LAP3: variants seen among roughly 807,000 people sequenced by gnomAD.
The protein encoded by LAP3 is leucine aminopeptidase 3.
Under a neutral mutation model 58.8 loss-of-function variants are expected in LAP3, and 46 were observed. The ratio of observed to expected loss-of-function variants is 0.78; its 90% CI spans 0.62 to 1.00. The LOEUF (loss-of-function observed/expected upper bound fraction) is 1.00. Among genes scored for constraint, LAP3 ranks in the 50% least tolerant of loss-of-function variants. The probability of loss-of-function intolerance (pLI) is 0.00; values close to 1 mark genes in which losing one functional copy is unlikely to be tolerated. For missense variants in LAP3, 615 were observed against 659.1 expected (o/e 0.93, Z 0.73); for synonymous variants, 257 against 237.7 (o/e 1.08, Z -0.75).
chr4:17,583,860 C>G (rs73800292), intron 5 of LAP3, among the ~76,000 whole-genome samples: 1 of 152,146 alleles, frequency 6.6e-6, no homozygotes. Flanking sequence ...ACTCCCTGAC[C>G]CCTCCCTGCT....
intron 7 of LAP3, among the ~76,000 whole-genome samples, chr4:17,590,189 T>C (rs1713647346): frequency 6.6e-6 from 1 of 152,196 alleles, no homozygotes; most frequent in South Asian, 2.1e-4. Context: ...AATATAGCAT[T>C]TTCTGTATTT....
intron 2 of LAP3, among the ~76,000 whole-genome samples, chr4:17,580,684 C>T (rs1052762195): frequency 6.6e-6 from 1 of 152,092 alleles, no homozygotes; most frequent in Non-Finnish European, 1.5e-5. Context: ...GGGTTTTGCT[C>T]TTTTATTGCC....
At chr4:17,592,342 G>C (rs61047804) in intron 7 of LAP3, among the ~76,000 whole-genome samples, 9 of 146,672 alleles carry the variant, frequency 6.1e-5, no homozygotes, top group Non-Finnish European at 2.9e-5. Flanking sequence ...TTTGATGTCT[G>C]GCTTCTTTCA....
intron 2 of LAP3, 64 bp from the exon 3 acceptor site, chr4:17,581,696 T>G: frequency 8.1e-7 from 1 of 1,235,844 alleles, no homozygotes; most frequent in Admixed American, 1.7e-5. Flanking sequence ...AGTATGTAAG[T>G]GTGCCTTCCC....
At chr4:17,586,696 C>T (rs996801078) in intron 6 of LAP3, among the ~76,000 whole-genome samples, 2 of 152,216 alleles carry the variant, frequency 1.3e-5, no homozygotes, top group Admixed American at 6.5e-5. Context: ...CGATTGTGCA[C>T]ACCTCTATTT....
In LAP3 at chr4:17,597,177, C is replaced by G. The variant is rs778669124; in HGVS notation, c.1077+43C>G. 2.5e-5 allele frequency: 38 copies of G among 1,535,214 alleles called. 1 individual carries two copies. The South Asian group carries it at 4.3e-4, about 17-fold the overall frequency. On this transcript the variant is annotated intron_variant, in intron 9 of 12. Coordinates refer to ENST00000226299, the MANE Select transcript of LAP3 (RefSeq NM_015907.3). ...ACAGCACTCCCCATCCAGCGTTCCT[C>G]AGGAATCCCGTGGTGGCCACATAAC...
chr4:17,582,020 T>C, intron 3 of LAP3: 2 of 596,802 alleles, frequency 3.4e-6, no homozygotes, highest in East Asian at 2.8e-5. Flanking sequence ...GCTTTCTTTA[T>C]CCGGTTGTGG....
intron 7 of LAP3, among the ~76,000 whole-genome samples, chr4:17,590,688 C>T (rs559533040): frequency 4.0e-5 from 6 of 151,892 alleles, no homozygotes; most frequent in African/African-American, 1.2e-4. Context: ...TCTCCTGCCT[C>T]AGCCTCCCGA....
intron 7 of LAP3, among the ~76,000 whole-genome samples, chr4:17,589,783 C>T (rs905398994): frequency 5.9e-5 from 9 of 152,182 alleles, no homozygotes; most frequent in African/African-American, 2.2e-4. Context: ...ATTTTTCTGC[C>T]ATGCACTTTG....
At chr4:17,596,340 G>T (rs190253040) in intron 8 of LAP3, among the ~76,000 whole-genome samples, 3 of 151,964 alleles carry the variant, frequency 2.0e-5, no homozygotes, top group African/African-American at 7.2e-5. Flanking sequence ...GGTTTTTTTG[G>T]TTTTTTGGTT....
Position 17,577,299 on chromosome 4 carries a change from C to G in LAP3, c.-167C>G. 6 of 470,402 alleles carry G rather than the reference C, an allele frequency of 1.3e-5. No homozygotes were observed. Among genetic ancestry groups the G allele is most frequent in the Non-Finnish European group, 2.2e-5 (6 of 269,976 alleles). 29.1% of individuals were successfully genotyped at this position (470,402 alleles called of 1,614,324 possible). A position where few individuals can be genotyped will look rare whatever the true frequency, so the allele number is the denominator to read the frequency against. Reference sequence around the variant, plus strand: ...GTTTGATCCCAGCGGTCCAGTCGGCCGGTGCTGCCCATCCGTCCCGCCCCC... The same window carrying G: ...GTTTGATCCCAGCGGTCCAGTCGGCGGGTGCTGCCCATCCGTCCCGCCCCC... On this transcript the variant is annotated 5_prime_UTR_variant, in exon 1 of 13. Coordinates refer to ENST00000226299, the MANE Select transcript of LAP3 (RefSeq NM_015907.3).
chr4:17,581,762 C>G lies in LAP3; in HGVS notation c.221C>G (p.Ser74Cys), dbSNP rs1165597241. Residue 74 changes from serine to cysteine, a missense_variant and splice_region_variant, in exon 3 of 13, where the codon TCT (serine) becomes TGT (cysteine). Transcript: ENST00000226299. ...AGKLRETLNI[S>C]GPPLKAGKTR... The stretch of plus-strand genomic sequence containing the variant: ...ACGACTATTTCCTCTTGTTTTAGAT[C>G]TGGACCACCTCTGAAGGCAGGGAAG... The G allele has an allele frequency of 6.2e-7, 1 of 1,613,350 alleles. No individual in the cohort carries two copies. Among genetic ancestry groups the G allele is most frequent in the East Asian group, 2.2e-5 (1 of 44,872 alleles).
intron 1 of LAP3, among the ~76,000 whole-genome samples, chr4:17,577,990 G>A (rs985305106): frequency 6.6e-6 from 1 of 152,234 alleles, no homozygotes; most frequent in South Asian, 2.1e-4. Context: ...TGAAAGGTCA[G>A]GGAGTTAAGT....
chr4:17,602,514 A>G (rs1714006420), intron 10 of LAP3, among the ~76,000 whole-genome samples: 1 of 152,232 alleles, frequency 6.6e-6, no homozygotes, highest in Non-Finnish European at 1.5e-5. Context: ...AAAAAACTAA[A>G]GATGAAACAA....
intron 10 of LAP3, among the ~76,000 whole-genome samples, chr4:17,603,721 T>A (rs187372737): frequency 6.6e-6 from 1 of 151,438 alleles, no homozygotes; most frequent in Non-Finnish European, 1.5e-5. Context: ...TCCATGTTGG[T>A]CAGGCTCGTC....
Position 17,579,918 on chromosome 4 carries a change from A to G in LAP3, c.197A>G (p.Lys66Arg). 6.2e-7 allele frequency: 1 copy of G among 1,606,740 alleles called. No individual in the cohort carries two copies. Among genetic ancestry groups the G allele is most frequent in the Non-Finnish European group, 8.5e-7 (1 of 1,173,956 alleles). The change falls in exon 2 of 13, where the codon AAG becomes AGG. Residue 66 changes from lysine to arginine, a missense_variant. Transcript: ENST00000226299. Reference sequence around the variant, plus strand: ...AATTTTGATAAATTGTTAGCTGGAAAGCTGAGAGAGACTTTGAACATGTAA... The same window carrying G: ...AATTTTGATAAATTGTTAGCTGGAAGGCTGAGAGAGACTTTGAACATGTAA... ...GENFDKLLAG[K>R]LRETLNISGP...
chr4:17,604,085 C>T (rs755566515), intron 10 of LAP3, among the ~76,000 whole-genome samples: 6 of 151,970 alleles, frequency 3.9e-5, no homozygotes, highest in African/African-American at 1.2e-4. Context: ...GGATTACAGG[C>T]GTGAGCCAGC....
At chr4:17,592,933 G>T (rs1577222557) in intron 7 of LAP3, among the ~76,000 whole-genome samples, 1 of 152,178 alleles carries the variant, frequency 6.6e-6, no homozygotes. Flanking sequence ...CGAGTAGCCG[G>T]GACTATAGGC....
Position 17,600,896 on chromosome 4 carries a change from C to T in LAP3, c.1180+2338C>T, listed in dbSNP as rs138159229. ...ATCCATAAAAGGGGTATAATAGCAC[C>T]TCGTTCACAGGAAGGATGCCGTGAA... On this transcript the variant is annotated intron_variant, in intron 10 of 12. Transcript: ENST00000226299. Among the ~76,000 whole-genome samples the T allele has an allele frequency of 1.1e-3, 168 of 152,258 alleles. 1 individual carries two copies. Among genetic ancestry groups the T allele is most frequent in the African/African-American group, 3.6e-3 (148 of 41,558 alleles).
Sources: allele counts gnomAD v4.1 joint callset (sites outside exome capture counted in the v4.1 genomes callset), GRCh38; gene constraint gnomAD v4.1.1; transcripts MANE v1.5; gene names NCBI Gene and HGNC (gene_info 2026-07-23, HGNC 2026-07-21).